The following TMEM134 variants were observed in gnomAD, a reference collection of about 807,000 sequenced individuals.
TMEM134 encodes transmembrane protein 134.
In TMEM134, 36 loss-of-function variants were observed where a neutral mutation model predicts 26.2. The observed-to-expected ratio is 1.37, with a 90% CI of 1.05 to 1.81. TMEM134 has a LOEUF of 1.81. TMEM134 is among the 40% of genes most tolerant of loss of function. TMEM134 has a pLI of 0.00. For missense variants in TMEM134, 339 were observed against 263.5 expected (o/e 1.29, Z -1.98); for synonymous variants, 133 against 113.6 (o/e 1.17, Z -1.08).
rs1055481605 is a variant in TMEM134 at position 67,463,607 on chromosome 11, G to T, written c.*1007C>A. On this transcript the variant is annotated 3_prime_UTR_variant, in exon 7 of 7. Coordinates refer to ENST00000308022, the MANE Select transcript of TMEM134 (RefSeq NM_025124.4). Reference sequence around the variant, plus strand: ...GGTTCTCGCCATGTTGTCCAGGTTGGTCGCGAACTCCTGGGCTCAAGCGAT... The same window carrying T: ...GGTTCTCGCCATGTTGTCCAGGTTGTTCGCGAACTCCTGGGCTCAAGCGAT... 4 of 151,144 alleles carry T rather than the reference G, an allele frequency of 2.6e-5. No individual in the cohort carries two copies. The highest frequency in any genetic ancestry group is 9.8e-5 in the African/African-American group (4 of 40,938). The allele number at this position is 151,144 out of a possible 1,614,324, so 9.4% of individuals were successfully genotyped here.
At chr11:67,468,940 C>T in intron 1 of TMEM134, 79 bp downstream of exon 1, 2 of 1,338,888 alleles carry the variant, frequency 1.5e-6, no homozygotes, top group Non-Finnish European at 1.9e-6. Flanking sequence ...CAGATGCTTC[C>T]CCGAGTTGAG....
At chr11:67,467,830 A>C in intron 2 of TMEM134, 198 bp downstream of exon 2, 1 of 658,842 alleles carries the variant, frequency 1.5e-6, no homozygotes, top group Non-Finnish European at 2.6e-6. Context: ...GGGTTTCTGA[A>C]AGAGGTGAGT....
chr11:67,466,958 A>T (rs1417602890), intron 4 of TMEM134: 1 of 294,432 alleles, frequency 3.4e-6, no homozygotes, highest in African/African-American at 2.2e-5. Flanking sequence ...GGACTTCTGT[A>T]AGATGGGAAA....
rs527974154 is a variant in TMEM134, at chr11:67,463,220, C to A, written c.*1394G>T. ...CTAACTCAGAATCCTGAAGGCCCCG[C>A]TGTGTTGGGTGCTGCAGACAGTGGT... On this transcript the variant is annotated 3_prime_UTR_variant, in exon 7 of 7. Transcript: ENST00000308022. 6.6e-6 allele frequency: 1 copy of A among 152,288 alleles called. No homozygotes were observed. The highest frequency in any genetic ancestry group is 6.5e-5 in the Admixed American group (1 of 15,284). 9.4% of individuals were successfully genotyped at this position (152,288 alleles called of 1,614,324 possible).
chr11:67,465,496 C>T (rs1432607004), intron 4 of TMEM134, among the ~76,000 whole-genome samples: 1 of 148,940 alleles, frequency 6.7e-6, no homozygotes, highest in East Asian at 2.0e-4. Flanking sequence ...CAGGGCAGTG[C>T]AGGAGTCCTG....
In TMEM134 at chr11:67,464,576, C is replaced by G. The variant is rs1478326575; in HGVS notation, c.*38G>C. ...GGGGAACGGAACAGGGCAAGAGGGG[C>G]GCCCCCATGGGCGCAAGGGGTCCAC... On this transcript the variant is annotated 3_prime_UTR_variant, in exon 7 of 7. Coordinates refer to ENST00000308022, the MANE Select transcript of TMEM134 (RefSeq NM_025124.4). The G allele has an allele frequency of 6.5e-7, 1 of 1,545,448 alleles. No individual in the cohort carries two copies.
Position 67,464,616 on chromosome 11 carries a change from A to G in TMEM134, c.586T>C (p.Ter196ArgextTer129). 6.4e-7 allele frequency: 1 copy of G among 1,552,136 alleles called. No individual in the cohort carries two copies. Among genetic ancestry groups the G allele is most frequent in the Non-Finnish European group, 8.7e-7 (1 of 1,147,178 alleles). ...AAGGGGTCCACGCTGCGCCGCGATC[A>G]CTTCTCGAAGTAGGGCAGGTAGAAG... Reference protein sequence around the residue: ...QFFYLPYFEK* With the variant: ...QFFYLPYFEKR Residue 196 changes from the stop codon to arginine (R), a stop_lost, in exon 7 of 7, where the codon TGA becomes CGA. Coordinates refer to ENST00000308022, the MANE Select transcript of TMEM134 (RefSeq NM_025124.4).
Position 67,464,645 on chromosome 11 carries a change from T to C in TMEM134, c.557A>G (p.Gln186Arg). 1 of 1,553,488 alleles carries C rather than the reference T, an allele frequency of 6.4e-7. No individual in the cohort carries two copies. The change falls in exon 7 of 7, where the codon CAG becomes CGG. Residue 186 changes from glutamine (Q) to arginine (R), a missense_variant. By Grantham distance (43) the Gln-to-Arg change is conservative (BLOSUM62 1). Transcript: ENST00000308022. Reference sequence around the variant, plus strand: ...CTCGAAGTAGGGCAGGTAGAAGAACTGGAAGCCCCGGTGGCCCTTGACCGC... The same window carrying C: ...CTCGAAGTAGGGCAGGTAGAAGAACCGGAAGCCCCGGTGGCCCTTGACCGC... ...YCAVKGHRGF[Q>R]FFYLPYFEK
rs747641402 is a variant in TMEM134 at position 67,464,700 on chromosome 11, CG to C, written c.506-5del. 3.2e-5 allele frequency: 50 copies of C among 1,552,084 alleles called. No individual in the cohort carries two copies. The highest frequency in any genetic ancestry group is 5.9e-5 in the Admixed American group (3 of 51,088). ...TAGATGAAGATCACGTGATAGACTG[CG>C]GGGCGGGGCCTGTCAGCGCAGAAGC... On this transcript the variant is annotated splice_polypyrimidine_tract_variant and splice_region_variant and intron_variant, in intron 6 of 6. Transcript: ENST00000308022.
chr11:67,465,087 G>A lies in TMEM134; in HGVS notation c.420C>T (p.Val140=), dbSNP rs1179663656. The A allele has an allele frequency of 6.3e-7, 1 of 1,586,610 alleles. No homozygotes were observed. ...LLLLGLVLIL[V]GVGLEATPSP... ...AGGGGGTCGCCTCCAGTCCCACGCC[G>A]ACCAGGATCAGCACTGCACACAGAC... is the stretch of plus-strand genomic sequence containing the variant. Residue 140 remains valine, a synonymous_variant, in exon 5 of 7, where the codon GTC becomes GTT. Coordinates refer to ENST00000308022, the MANE Select transcript of TMEM134 (RefSeq NM_025124.4).
At chr11:67,464,908 C>A (rs779889732) in intron 5 of TMEM134, 52 bp from the exon 6 acceptor site, 2 of 1,598,278 alleles carry the variant, frequency 1.3e-6, no homozygotes, top group Admixed American at 1.7e-5. Context: ...GGCTTCGAGG[C>A]CTTCCGGGCT....
chr11:67,468,984 CG>C (rs1475841683), intron 1 of TMEM134, 34 bp downstream of exon 1: 4 of 1,439,956 alleles, frequency 2.8e-6, no homozygotes, highest in Non-Finnish European at 1.8e-6. Context: ...CCCGTCCGGC[CG>C]GGGGCAGGGG....
chr11:67,465,703 A>G (rs952976513), intron 4 of TMEM134, among the ~76,000 whole-genome samples: 1 of 151,982 alleles, frequency 6.6e-6, no homozygotes, highest in South Asian at 2.1e-4. Flanking sequence ...AGGCAGGAAG[A>G]TCGCTTGAGG....
intron 5 of TMEM134, 33 bp from the exon 6 acceptor site, chr11:67,464,889 G>C (rs1465580693): frequency 8.1e-6 from 13 of 1,607,180 alleles, no homozygotes; most frequent in African/African-American, 4.0e-5. Flanking sequence ...GTCAGGGCGA[G>C]GGGGCGGAGG....
intron 2 of TMEM134, 42 bp from the exon 3 acceptor site, chr11:67,467,632 C>A (rs751825587): frequency 2.5e-6 from 4 of 1,601,584 alleles, no homozygotes; most frequent in African/African-American, 1.3e-5. Context: ...GAGGCAAGGA[C>A]GGGGTTGCTT....
chr11:67,467,111 CTA>C (rs1865304130), intron 4 of TMEM134, 199 bp downstream of exon 4: 4 of 601,924 alleles, frequency 6.6e-6, no homozygotes, highest in Non-Finnish European at 1.2e-5. Flanking sequence ...CCATTTTCAG[CTA>C]TGTGTGATTT....
At chr11:67,468,183 T>C in intron 1 of TMEM134, 91 bp from the exon 2 acceptor site, 1 of 1,245,856 alleles carries the variant, frequency 8.0e-7, no homozygotes. Context: ...TACACAACCA[T>C]TTGCCTGGCC....
At position 67,467,561 on chromosome 11, in the gene TMEM134, G is replaced by A; in HGVS notation, c.269C>T (p.Ser90Phe). The part of the protein sequence containing the change: ...RDSSRTSIRS[S>F]QWSFSTISSS... ...GCTGATGGTGCTGAAGGACCACTGG[G>A]AGCTGCGGATGGAAGTTCGGCTGGA... The change falls in exon 3 of 7, where the codon TCC becomes TTC. Residue 90 changes from serine to phenylalanine, a missense_variant. Ser to Phe is a radical substitution (Grantham distance 155). Transcript: ENST00000308022. The A allele has an allele frequency of 6.2e-7, 1 of 1,614,124 alleles. No individual in the cohort carries two copies. Among genetic ancestry groups the A allele is most frequent in the Non-Finnish European group, 8.5e-7 (1 of 1,180,042 alleles).
At chr11:67,468,976 C>A in intron 1 of TMEM134, 43 bp downstream of exon 1, 1 of 1,428,692 alleles carries the variant, frequency 7.0e-7, no homozygotes, top group Non-Finnish European at 9.2e-7. Flanking sequence ...CCTGGGGTCC[C>A]GTCCGGCCGG....
Sources: allele counts gnomAD v4.1 joint callset (sites outside exome capture counted in the v4.1 genomes callset), GRCh38; gene constraint gnomAD v4.1.1; transcripts MANE v1.5; gene names NCBI Gene and HGNC (gene_info 2026-07-23, HGNC 2026-07-21).